CHSY1: variants seen among roughly 807,000 people sequenced by gnomAD.
CHSY1 encodes the protein chondroitin sulfate synthase 1.
Under a neutral mutation model 59.8 loss-of-function variants are expected in CHSY1, and 13 were observed. The ratio of observed to expected loss-of-function variants is 0.22; its 90% CI spans 0.14 to 0.35. The LOEUF (loss-of-function observed/expected upper bound fraction) is 0.35, where lower values mean the gene tolerates loss of function less well. Among genes scored for constraint, CHSY1 ranks in the 10% least tolerant of loss-of-function variants. CHSY1 has a pLI of 1.00. For synonymous variants in CHSY1, 459 were observed against 401.2 expected (o/e 1.14, Z -1.72); for missense variants, 947 against 1,030.6 (o/e 0.92, Z 1.11).
At chr15:101,230,847 C>A (rs72768576) in intron 2 of CHSY1, among the ~76,000 whole-genome samples, 14,699 of 152,238 alleles carry the variant, frequency 0.097, 986 homozygotes, top group Middle Eastern at 0.18. Flanking sequence ...GTCTCCTCAA[C>A]TACTCTGAAG....
At chr15:101,179,605 C>A (rs1399271342) in intron 2 of CHSY1, among the ~76,000 whole-genome samples, 1 of 152,224 alleles carries the variant, frequency 6.6e-6, no homozygotes, top group Non-Finnish European at 1.5e-5. Flanking sequence ...ACGCTGCTGG[C>A]CTCCTGCGTA....
At chr15:101,241,311 G>T (rs187122628) in intron 1 of CHSY1, among the ~76,000 whole-genome samples, 1 of 152,148 alleles carries the variant, frequency 6.6e-6, no homozygotes, top group Admixed American at 6.5e-5. Flanking sequence ...GGCTGGTCTC[G>T]AACTCCTGAC....
At chr15:101,227,097 A>C (rs1226844132) in intron 2 of CHSY1, among the ~76,000 whole-genome samples, 1 of 152,216 alleles carries the variant, frequency 6.6e-6, no homozygotes, top group East Asian at 1.9e-4. Context: ...TATGCAAGAA[A>C]AAGACAAAAA....
chr15:101,239,179 T>C (rs994333079), intron 1 of CHSY1, among the ~76,000 whole-genome samples: 6 of 152,232 alleles, frequency 3.9e-5, no homozygotes, highest in Admixed American at 3.3e-4. Context: ...TGGCACATAA[T>C]AGAGGTCACT....
At chr15:101,222,660 C>A (rs536336922) in intron 2 of CHSY1, among the ~76,000 whole-genome samples, 40 of 152,304 alleles carry the variant, frequency 2.6e-4, no homozygotes, top group African/African-American at 9.4e-4. Context: ...TTTTGAAGAA[C>A]ACGGGTCAAG....
intron 2 of CHSY1, among the ~76,000 whole-genome samples, chr15:101,234,513 G>C (rs1269631890): frequency 2.6e-5 from 4 of 152,184 alleles, no homozygotes; most frequent in South Asian, 4.1e-4. Flanking sequence ...ATGACCATCA[G>C]CAACCCATTA....
In CHSY1 at chr15:101,178,218, T is replaced by C; in HGVS notation, c.1579A>G (p.Lys527Glu). ...FQLPGSKSEH[K>E]EPKDKKINIL... is the part of the protein sequence containing the mutation. ...TTTATCTTTTTATCTTTGGGTTCTT[T>C]GTGCTCACTCTTCGACCCAGGGAGC... The change falls in exon 3 of 3, where the codon AAA (lysine) becomes GAA (glutamate). Residue 527 changes from lysine (K) to glutamate (E), a missense_variant. By Grantham distance (56) the Lys-to-Glu change is moderately conservative. Coordinates refer to ENST00000254190, the MANE Select transcript of CHSY1 (RefSeq NM_014918.5). 1.2e-6 allele frequency: 2 copies of C among 1,614,244 alleles called. No homozygotes were observed. Among genetic ancestry groups the C allele is most frequent in the Non-Finnish European group, 1.7e-6 (2 of 1,180,044 alleles).
chr15:101,205,778 C>T (rs185556825), intron 2 of CHSY1, among the ~76,000 whole-genome samples: 135 of 152,058 alleles, frequency 8.9e-4, no homozygotes, highest in African/African-American at 2.9e-3. Flanking sequence ...GGTGAAACCC[C>T]GTCTCTACTA....
chr15:101,222,905 G>C (rs1356025140), intron 2 of CHSY1, among the ~76,000 whole-genome samples: 1 of 152,210 alleles, frequency 6.6e-6, no homozygotes, highest in Admixed American at 6.5e-5. Context: ...CCACAGTCAA[G>C]AGGAGGGAAA....
At chr15:101,209,697 A>G (rs2038664959) in intron 2 of CHSY1, among the ~76,000 whole-genome samples, 1 of 152,192 alleles carries the variant, frequency 6.6e-6, no homozygotes, top group African/African-American at 2.4e-5. Flanking sequence ...ATCTTTCTAT[A>G]TTTTCTATGT....
At chr15:101,189,465 CG>C in intron 2 of CHSY1, 2 of 985,498 alleles carry the variant, frequency 2.0e-6, no homozygotes, top group South Asian at 4.7e-5. Flanking sequence ...GGATGGAGCT[CG>C]GGGGGACCAG....
At chr15:101,205,937 G>C (rs1348961557) in intron 2 of CHSY1, among the ~76,000 whole-genome samples, 3 of 151,398 alleles carry the variant, frequency 2.0e-5, no homozygotes, top group African/African-American at 4.9e-5. Flanking sequence ...GGGCGAAAGA[G>C]AGAGACTCCG....
At chr15:101,248,687 GA>G (rs2039074863) in intron 1 of CHSY1, among the ~76,000 whole-genome samples, 1 of 152,236 alleles carries the variant, frequency 6.6e-6, no homozygotes, top group South Asian at 2.1e-4. Context: ...TGAGGGAAGA[GA>G]TGTGGAAAGG....
At position 101,176,102 on chromosome 15, in the gene CHSY1, T is replaced by C. The variant is rs1163745759; in HGVS notation, c.*1286A>G. On this transcript the variant is annotated 3_prime_UTR_variant, in exon 3 of 3. Transcript: ENST00000254190. ...AAAATTAAGGAGGGGAAAAAGCGTT[T>C]CCAAAAGGAAATCTTTGGAGATCGG... 1 of 397,038 alleles carries C rather than the reference T, an allele frequency of 2.5e-6. No individual in the cohort carries two copies. The highest frequency in any genetic ancestry group is 4.4e-6 in the Non-Finnish European group (1 of 225,484). The allele number at this position is 397,038 out of a possible 1,614,324, so 24.6% of individuals were successfully genotyped here.
intron 2 of CHSY1, among the ~76,000 whole-genome samples, chr15:101,179,981 T>C (rs1452403003): frequency 3.9e-5 from 6 of 152,226 alleles, no homozygotes; most frequent in East Asian, 1.9e-4. Context: ...GAGGTTGGTA[T>C]CTGGTAAATT....
At chr15:101,214,889 T>C (rs1158603208) in intron 2 of CHSY1, among the ~76,000 whole-genome samples, 1 of 151,580 alleles carries the variant, frequency 6.6e-6, no homozygotes, top group Non-Finnish European at 1.5e-5. Context: ...GGGAGGTGGC[T>C]GGATCATGGA....
At chr15:101,227,759 A>C (rs1014789069) in intron 2 of CHSY1, among the ~76,000 whole-genome samples, 7 of 152,230 alleles carry the variant, frequency 4.6e-5, no homozygotes, top group African/African-American at 1.7e-4. Flanking sequence ...CTCAGCAAAG[A>C]GCCAATAACT....
intron 1 of CHSY1, among the ~76,000 whole-genome samples, chr15:101,238,714 T>G (rs1567107644): frequency 1.3e-5 from 2 of 152,212 alleles, no homozygotes; most frequent in Non-Finnish European, 2.9e-5. Flanking sequence ...CTTACGCCAC[T>G]TAAATAACTC....
chr15:101,237,243 A>C (rs1467383812), intron 1 of CHSY1, among the ~76,000 whole-genome samples: 19 of 151,150 alleles, frequency 1.3e-4, no homozygotes, highest in African/African-American at 4.4e-4. Flanking sequence ...AAAAAAAAAA[A>C]AAAAACAGAG....
Sources: gnomAD v4.1 joint callset for allele counts (sites outside exome capture counted in the v4.1 genomes callset) on GRCh38, gnomAD v4.1.1 for gene constraint, MANE v1.5 for transcripts, NCBI Gene and HGNC (gene_info 2026-07-23, HGNC 2026-07-21) for gene names.